The following RBFOX2 variants were observed in gnomAD, a reference collection of about 807,000 sequenced individuals.
The protein encoded by RBFOX2 is RNA binding fox-1 homolog 2.
RBFOX2 carries 10 observed loss-of-function variants against 49.1 expected under a neutral mutation model. The ratio of observed to expected loss-of-function variants is 0.20; its 90% CI spans 0.13 to 0.35. RBFOX2 has a LOEUF of 0.35. RBFOX2 is among the 10% of genes least tolerant of loss of function. The pLI is 1.00. For synonymous variants in RBFOX2, 183 were observed against 187.4 expected, an observed-to-expected ratio of 0.98 and a Z score of 0.19; for missense variants, 323 against 486.9, an observed-to-expected ratio of 0.66 and a Z score of 3.17.
At chr22:35,962,329 T>A (rs1320458944), upstream of RBFOX2, among the ~76,000 whole-genome samples, 1 of 152,198 alleles carries the variant, frequency 6.6e-6, no homozygotes, top group East Asian at 1.9e-4. Flanking sequence ...CAACTTTCCA[T>A]CCAAGGGACT....
chr22:35,951,813 C>T (rs1304149520), intron 1 of RBFOX2, among the ~76,000 whole-genome samples: 3 of 151,980 alleles, frequency 2.0e-5, no homozygotes, highest in Non-Finnish European at 4.4e-5. Context: ...GTCTGTCTTA[C>T]ATTAAAGTCC....
chr22:35,925,542 A>AG (rs1440154709), intron 1 of RBFOX2, among the ~76,000 whole-genome samples: 2 of 152,214 alleles, frequency 1.3e-5, no homozygotes, highest in African/African-American at 4.8e-5. Flanking sequence ...AAAGCAAAGT[A>AG]GAAAGCATGT....
At chr22:35,807,548 GA>G (rs1041274510) in intron 2 of RBFOX2, among the ~76,000 whole-genome samples, 3 of 146,474 alleles carry the variant, frequency 2.0e-5, no homozygotes, top group Admixed American at 6.8e-5. Context: ...TGTCTCGAAC[GA>G]AAAAAAAATA....
intron 1 of RBFOX2, among the ~76,000 whole-genome samples, chr22:35,890,469 T>C (rs1261165778): frequency 6.6e-6 from 1 of 152,190 alleles, no homozygotes; most frequent in South Asian, 2.1e-4. Context: ...TACACGAATG[T>C]GGTTTCTTTA....
At chr22:36,010,878 A>G (rs1237790902) in intron 1 of RBFOX2, among the ~76,000 whole-genome samples, 2 of 152,152 alleles carry the variant, frequency 1.3e-5, no homozygotes, top group Non-Finnish European at 2.9e-5. Context: ...GCATTCACTC[A>G]ATCCTGGGGC....
rs1279413714 is a variant in RBFOX2, at chr22:35,781,592, A to G, written c.399+8T>C. 1 of 1,612,082 alleles carries G rather than the reference A, an allele frequency of 6.2e-7. No homozygotes were observed. Among genetic ancestry groups the G allele is most frequent in the Non-Finnish European group, 8.5e-7 (1 of 1,179,160 alleles). ...TGTAAAATCCATAAAAAGACTTCAG[A>G]GACTTACCCCAAACATCTGCCGGAG... On this transcript the variant is annotated splice_region_variant and intron_variant, in intron 3 of 11. Coordinates refer to ENST00000405409, the Ensembl canonical transcript of RBFOX2.
At chr22:36,004,319 C>T (rs2058542522) in intron 1 of RBFOX2, among the ~76,000 whole-genome samples, 1 of 152,188 alleles carries the variant, frequency 6.6e-6, no homozygotes, top group African/African-American at 2.4e-5. Context: ...TGGATCCTTA[C>T]ACATCATTGC....
At chr22:35,979,529 T>A (rs549047394) in intron 1 of RBFOX2, among the ~76,000 whole-genome samples, 1 of 151,944 alleles carries the variant, frequency 6.6e-6, no homozygotes, top group African/African-American at 2.4e-5. Context: ...AAAGGCACAA[T>A]GAAAAAGGGT....
intron 1 of RBFOX2, among the ~76,000 whole-genome samples, chr22:35,900,675 G>A (rs1311891202): frequency 1.3e-5 from 2 of 151,804 alleles, no homozygotes; most frequent in Non-Finnish European, 2.9e-5. Flanking sequence ...ATTCCCACAG[G>A]GCAATCTCTA....
rs947148659 is a variant in RBFOX2 at position 35,749,233 on chromosome 22, C to G, written c.888-2672G>C. Reference sequence around the variant, plus strand: ...GCTTTTCAAGTGGAAGAAAACAGAACAGGGTTGGCAAATACTTTACTGAAA... The same window carrying G: ...GCTTTTCAAGTGGAAGAAAACAGAAGAGGGTTGGCAAATACTTTACTGAAA... On this transcript the variant is annotated intron_variant, in intron 9 of 11. Coordinates refer to ENST00000405409, the Ensembl canonical transcript of RBFOX2. The surrounding 1 kb of genome is among the most constrained non-coding windows in gnomAD (Gnocchi z 4.1). 1.3e-5 allele frequency among the ~76,000 whole-genome samples: 2 copies of G among 152,026 alleles called. No homozygotes were observed. Among genetic ancestry groups the G allele is most frequent in the African/African-American group, 2.4e-5 (1 of 41,378 alleles).
exon 1 of RBFOX2, among the ~76,000 whole-genome samples, chr22:36,028,605 C>T (rs1020464632): frequency 6.7e-6 from 1 of 149,330 alleles, no homozygotes; most frequent in Non-Finnish European, 1.5e-5. Context: ...CCGCTCCTTG[C>T]CTGACCGCTT....
chr22:35,820,259 G>A (rs1954168795), intron 1 of RBFOX2, among the ~76,000 whole-genome samples: 1 of 152,206 alleles, frequency 6.6e-6, no homozygotes, highest in Admixed American at 6.5e-5. Context: ...AAGGCAGGGA[G>A]CCCTGTTGGG....
At chr22:36,011,638 A>G (rs955103896) in intron 1 of RBFOX2, among the ~76,000 whole-genome samples, 4 of 152,094 alleles carry the variant, frequency 2.6e-5, no homozygotes, top group Non-Finnish European at 4.4e-5. Context: ...ATAACTAACA[A>G]TACTAGTTAC....
chr22:36,004,840 T>G (rs1234980536), intron 1 of RBFOX2, among the ~76,000 whole-genome samples: 1 of 151,940 alleles, frequency 6.6e-6, no homozygotes, highest in Non-Finnish European at 1.5e-5. Context: ...CAATCCCAGC[T>G]GGCACTTACT....
chr22:35,827,259 G>A (rs779764856), intron 1 of RBFOX2, among the ~76,000 whole-genome samples: 2 of 152,140 alleles, frequency 1.3e-5, no homozygotes, highest in Non-Finnish European at 2.9e-5. Context: ...CTTTTACACT[G>A]TTTAACACAG....
intron 1 of RBFOX2, chr22:35,897,532 G>A: frequency 1.2e-6 from 1 of 830,632 alleles, no homozygotes; most frequent in Non-Finnish European, 2.1e-6. Context: ...GGGTACGGGA[G>A]GAAGTACCCC....
chr22:35,760,608 C>T (rs1196442022), intron 8 of RBFOX2, among the ~76,000 whole-genome samples: 1 of 152,200 alleles, frequency 6.6e-6, no homozygotes, highest in Non-Finnish European at 1.5e-5. Context: ...AGGGAAACAA[C>T]TCCTACCCTG....
intron 1 of RBFOX2, among the ~76,000 whole-genome samples, chr22:35,830,252 AAC>A (rs1956527681): frequency 6.6e-6 from 1 of 152,224 alleles, no homozygotes; most frequent in Non-Finnish European, 1.5e-5. Context: ...CTGATGGAAA[AAC>A]ACAGAAATAT....
intron 1 of RBFOX2, among the ~76,000 whole-genome samples, chr22:35,825,676 A>G (rs930799115): frequency 1.3e-5 from 2 of 152,166 alleles, no homozygotes; most frequent in Non-Finnish European, 2.9e-5. Context: ...CTAAAAGGGT[A>G]CCTACAAGAA....
Sources: gnomAD v4.1 joint callset for allele counts (sites outside exome capture counted in the v4.1 genomes callset) on GRCh38, gnomAD v4.1.1 for gene constraint, Gnocchi (gnomAD v3.1) non-coding constraint, MANE v1.5 for transcripts, NCBI Gene and HGNC (gene_info 2026-07-23, HGNC 2026-07-21) for gene names.